KCNQ1: variants seen among roughly 807,000 people sequenced by gnomAD.
The protein encoded by KCNQ1 is potassium voltage-gated channel subfamily KQT member 1.
Under a neutral mutation model 72.4 loss-of-function variants are expected in KCNQ1, and 49 were observed. The observed-to-expected ratio is 0.68, with a 90% CI of 0.54 to 0.86. The LOEUF is 0.86. Ranked by LOEUF, KCNQ1 falls within the 40% of genes least tolerant of loss-of-function variation. The pLI is 0.00. For missense variants in KCNQ1, 790 were observed against 945.1 expected, an observed-to-expected ratio of 0.84 and a Z score of 2.15; for synonymous variants, 450 against 412.6, an observed-to-expected ratio of 1.09 and a Z score of -1.10.
intron 1 of KCNQ1, among the ~76,000 whole-genome samples, chr11:2,527,553 G>A (rs948388137): frequency 2.0e-5 from 3 of 152,152 alleles, no homozygotes; most frequent in South Asian, 2.1e-4. Context: ...AAAACCCCAC[G>A]CCCACAGCAG....
In KCNQ1 at chr11:2,484,788, C is replaced by T. The variant is rs755785914; in HGVS notation, c.386+39304C>T. Among the ~76,000 whole-genome samples, 4 of 152,198 alleles carry T rather than the reference C, an allele frequency of 2.6e-5. No homozygotes were observed. Among genetic ancestry groups the T allele is most frequent in the Non-Finnish European group, 4.4e-5 (3 of 68,036 alleles). ...GGGGAATATGTGTATGGCACCCCCA[C>T]GTCTACGCTTCTGTGTTCATCTGCA... On this transcript the variant is annotated intron_variant, in intron 1 of 15. Coordinates refer to ENST00000155840, the MANE Select transcript of KCNQ1 (RefSeq NM_000218.3). This position sits in a 1 kb window ranked among gnomAD's most constrained non-coding sequence, Gnocchi z 5.2.
At position 2,824,316 on chromosome 11, in the gene KCNQ1, C is replaced by G. The variant is rs568024125; in HGVS notation, c.1795-23451C>G. 6.6e-6 allele frequency among the ~76,000 whole-genome samples: 1 copy of G among 151,960 alleles called. No individual in the cohort carries two copies. The highest frequency in any genetic ancestry group is 2.4e-5 in the African/African-American group (1 of 41,348). On this transcript the variant is annotated intron_variant, in intron 15 of 15. Transcript: ENST00000155840. This position sits in a 1 kb window ranked among gnomAD's most constrained non-coding sequence, Gnocchi z 5.9. ...CCCAGGGGTGGAAAGAAGACAGATA[C>G]GAGAGGGGATTTGGAGACACAATCC... is the stretch of plus-strand genomic sequence containing the variant.
Position 2,617,337 on chromosome 11 carries a change from T to A in KCNQ1, c.1393+28483T>A. On this transcript the variant is annotated intron_variant, in intron 10 of 15. Coordinates refer to ENST00000155840, the MANE Select transcript of KCNQ1 (RefSeq NM_000218.3). The surrounding 1 kb of genome is among the most constrained non-coding windows in gnomAD (Gnocchi z 4.6). ...AGGTGAGATTATTTAAAACTTTTCA[T>A]TTGTATATGGCTTATTTAACTTAGC... is the stretch of plus-strand genomic sequence containing the variant. 1 of 398,466 alleles carries A rather than the reference T, an allele frequency of 2.5e-6. No individual in the cohort carries two copies. The highest frequency in any genetic ancestry group is 4.4e-6 in the Non-Finnish European group (1 of 225,934). The allele number at this position is 398,466 out of a possible 1,614,324, so 24.7% of individuals were successfully genotyped here.
rs1485310840 is a variant in KCNQ1 at position 2,704,983 on chromosome 11, C to T, written c.1514+42902C>T. Among the ~76,000 whole-genome samples the T allele has an allele frequency of 6.6e-6, 1 of 152,118 alleles. No homozygotes were observed. Among genetic ancestry groups the T allele is most frequent in the Non-Finnish European group, 1.5e-5 (1 of 68,014 alleles). On this transcript the variant is annotated intron_variant, in intron 11 of 15. Transcript: ENST00000155840. The surrounding 1 kb of genome is among the most constrained non-coding windows in gnomAD (Gnocchi z 4.3). ...GGGCACTGTCACCCTGTGGCATGGC[C>T]TGTTTGTGGTGTCCATTGCCGTCTT...
rs1303156441 is a variant in KCNQ1 at position 2,768,346 on chromosome 11, G to A, written c.1515-498G>A. Among the ~76,000 whole-genome samples the A allele has an allele frequency of 1.3e-5, 2 of 152,182 alleles. No homozygotes were observed. The highest frequency in any genetic ancestry group is 2.9e-5 in the Non-Finnish European group (2 of 68,036). On this transcript the variant is annotated intron_variant, in intron 11 of 15. Transcript: ENST00000155840. The surrounding 1 kb of genome is among the most constrained non-coding windows in gnomAD (Gnocchi z 6.7). ...GCCCCCTTAACAGAGTGGCTCTGGT[G>A]GCAACTTTCCCTTGTTAATTTGTCC...
At position 2,550,471 on chromosome 11, in the gene KCNQ1, C is replaced by A. The variant is rs961794165; in HGVS notation, c.478-20157C>A. 6.6e-6 allele frequency among the ~76,000 whole-genome samples: 1 copy of A among 152,176 alleles called. No homozygotes were observed. Among genetic ancestry groups the A allele is most frequent in the Non-Finnish European group, 1.5e-5 (1 of 68,026 alleles). On this transcript the variant is annotated intron_variant, in intron 2 of 15. Transcript: ENST00000155840. The surrounding 1 kb of genome is among the most constrained non-coding windows in gnomAD (Gnocchi z 6.0). ...ATGTTCCTCCCTAGGCAGCTCCATG[C>A]GCGGGCCCCGGAGCTGGAAAGCAGC... is the stretch of plus-strand genomic sequence containing the variant.
rs979666127 is a variant in KCNQ1 at position 2,659,529 on chromosome 11, C to A, written c.1394-2432C>A. 1.3e-5 allele frequency: 5 copies of A among 398,354 alleles called. No individual in the cohort carries two copies. The Admixed American group carries it at 1.8e-4, about 14-fold the overall frequency. The allele number at this position is 398,354 out of a possible 1,614,324, so 24.7% of individuals were successfully genotyped here. A position where few individuals can be genotyped will look rare whatever the true frequency, so the allele number is the denominator to read the frequency against. ...CTGTTGAAGGACATCTTCATTGTTTCCAGTATTTGGTAATTATGAGCAGAG... is the reference window on the plus strand; with the variant it reads ...CTGTTGAAGGACATCTTCATTGTTTACAGTATTTGGTAATTATGAGCAGAG... On this transcript the variant is annotated intron_variant, in intron 10 of 15. Coordinates refer to ENST00000155840, the MANE Select transcript of KCNQ1 (RefSeq NM_000218.3). This position sits in a 1 kb window ranked among gnomAD's most constrained non-coding sequence, Gnocchi z 4.3.
chr11:2,501,434 T>C (rs1481167273), intron 1 of KCNQ1, among the ~76,000 whole-genome samples: 2 of 151,710 alleles, frequency 1.3e-5, no homozygotes, highest in East Asian at 3.9e-4. Flanking sequence ...CTGGAAGAAA[T>C]GGATACATTC....
In KCNQ1 at chr11:2,486,232, C is replaced by T. The variant is rs1405107316; in HGVS notation, c.386+40748C>T. Among the ~76,000 whole-genome samples the T allele has an allele frequency of 6.6e-6, 1 of 152,124 alleles. No individual in the cohort carries two copies. Among genetic ancestry groups the T allele is most frequent in the Non-Finnish European group, 1.5e-5 (1 of 68,020 alleles). On this transcript the variant is annotated intron_variant, in intron 1 of 15. Coordinates refer to ENST00000155840, the MANE Select transcript of KCNQ1 (RefSeq NM_000218.3). The surrounding 1 kb of genome is among the most constrained non-coding windows in gnomAD (Gnocchi z 5.0). ...GGTATCTCATTATAGTTTTGATTTA[C>T]ATTTTCTTATGAGTAGTGATGTTGA...
chr11:2,735,474 G>A lies in KCNQ1; in HGVS notation c.1515-33370G>A, dbSNP rs1845941731. On this transcript the variant is annotated intron_variant, in intron 11 of 15. Transcript: ENST00000155840. This position sits in a 1 kb window ranked among gnomAD's most constrained non-coding sequence, Gnocchi z 7.7. The stretch of plus-strand genomic sequence containing the variant: ...GGGATGCCTGAAGCCACACTCCACT[G>A]CATTCAGCCACCGTCCTGAAGTGCC... Among the ~76,000 whole-genome samples, 1 of 151,708 alleles carries A rather than the reference G, an allele frequency of 6.6e-6. No homozygotes were observed. Among genetic ancestry groups the A allele is most frequent in the Non-Finnish European group, 1.5e-5 (1 of 67,940 alleles).
rs532570816 is a variant in KCNQ1, at chr11:2,588,096, G to T, written c.1251+404G>T. Among the ~76,000 whole-genome samples the T allele has an allele frequency of 1.3e-5, 2 of 152,226 alleles. No homozygotes were observed. The highest frequency in any genetic ancestry group is 4.8e-5 in the African/African-American group (2 of 41,518). ...AGCAGGGGAGGGAGGTGAGGCAGGG[G>T]TGCAGCGAAGGGGGTCTGGAGGTCA... On this transcript the variant is annotated intron_variant, in intron 9 of 15. Coordinates refer to ENST00000155840, the MANE Select transcript of KCNQ1 (RefSeq NM_000218.3). This position sits in a 1 kb window ranked among gnomAD's most constrained non-coding sequence, Gnocchi z 5.6.
At chr11:2,555,495 T>C (rs1848056956) in intron 2 of KCNQ1, among the ~76,000 whole-genome samples, 1 of 152,190 alleles carries the variant, frequency 6.6e-6, no homozygotes, top group Non-Finnish European at 1.5e-5. Flanking sequence ...GCCAGGCGGC[T>C]AATGGTGTCT....
chr11:2,566,313 G>GGCA lies in KCNQ1; in HGVS notation c.478-4315_478-4314insGCA, dbSNP rs1354576938. ...TCATGTCTGTGCATGAGAGTGGTCA[G>GGCA]CCCTCCATGGCAGGCCTGGCCTCAC... On this transcript the variant is annotated intron_variant, in intron 2 of 15. Transcript: ENST00000155840. The surrounding 1 kb of genome is among the most constrained non-coding windows in gnomAD (Gnocchi z 6.7). Among the ~76,000 whole-genome samples the GGCA allele has an allele frequency of 6.6e-6, 1 of 152,186 alleles. No homozygotes were observed. Among genetic ancestry groups the GGCA allele is most frequent in the African/African-American group, 2.4e-5 (1 of 41,438 alleles).
chr11:2,721,695 C>T (rs231918), intron 11 of KCNQ1, among the ~76,000 whole-genome samples: 18,339 of 152,274 alleles, frequency 0.12, 1,421 homozygotes, highest in Middle Eastern at 0.19. Context: ...CTGCAGATCA[C>T]GCCAGGCAGG....
intron 1 of KCNQ1, among the ~76,000 whole-genome samples, chr11:2,485,459 C>T (rs1270651923): frequency 1.3e-5 from 2 of 148,902 alleles, no homozygotes; most frequent in Admixed American, 1.4e-4. Context: ...GTGTGTTTTC[C>T]TGTATCCCCT....
rs892635394 is a variant in KCNQ1, at chr11:2,628,078, C to T, written c.1394-33883C>T. On this transcript the variant is annotated intron_variant, in intron 10 of 15. Coordinates refer to ENST00000155840, the MANE Select transcript of KCNQ1 (RefSeq NM_000218.3). The stretch of plus-strand genomic sequence containing the variant: ...TACTATGTTGCTCATTTCTTGACTA[C>T]TGTAACACTACAATGAACATGGGAG... 14 of 398,454 alleles carry T rather than the reference C, an allele frequency of 3.5e-5. No individual in the cohort carries two copies. In the Admixed American group the frequency reaches 4.0e-4, roughly 11 times the overall value. 24.7% of individuals were successfully genotyped at this position (398,454 alleles called of 1,614,324 possible). A position where few individuals can be genotyped will look rare whatever the true frequency, so the allele number is the denominator to read the frequency against.
At chr11:2,524,864 GC>G (rs148183566) in intron 1 of KCNQ1, among the ~76,000 whole-genome samples, 5,487 of 152,262 alleles carry the variant, frequency 0.036, 319 homozygotes, top group African/African-American at 0.12. Context: ...TGCAGATGGT[GC>G]CCTGGCCCTC....
At position 2,762,758 on chromosome 11, in the gene KCNQ1, G is replaced by C. The variant is rs1846425168; in HGVS notation, c.1515-6086G>C. Among the ~76,000 whole-genome samples, 1 of 152,206 alleles carries C rather than the reference G, an allele frequency of 6.6e-6. No homozygotes were observed. The highest frequency in any genetic ancestry group is 1.5e-5 in the Non-Finnish European group (1 of 68,042). ...TGTGTACTCCTTATGAGAATCTAAT[G>C]CCTGCTGGTCTGAACTGGAACAGTT... On this transcript the variant is annotated intron_variant, in intron 11 of 15. Transcript: ENST00000155840. This position sits in a 1 kb window ranked among gnomAD's most constrained non-coding sequence, Gnocchi z 4.3.
At position 2,550,295 on chromosome 11, in the gene KCNQ1, C is replaced by G. The variant is rs1251845924; in HGVS notation, c.478-20333C>G. 6.6e-6 allele frequency among the ~76,000 whole-genome samples: 1 copy of G among 152,150 alleles called. No homozygotes were observed. The highest frequency in any genetic ancestry group is 1.5e-5 in the Non-Finnish European group (1 of 68,024). On this transcript the variant is annotated intron_variant, in intron 2 of 15. Transcript: ENST00000155840. The surrounding 1 kb of genome is among the most constrained non-coding windows in gnomAD (Gnocchi z 6.0). ...TTGCAGTTGCAGAGCCGTGGCGCGGCGCCTGGATTTCCGACACACTGCAGC... is the reference window on the plus strand; with the variant it reads ...TTGCAGTTGCAGAGCCGTGGCGCGGGGCCTGGATTTCCGACACACTGCAGC...
Sources: gnomAD v4.1 joint callset for allele counts (sites outside exome capture counted in the v4.1 genomes callset) on GRCh38, gnomAD v4.1.1 for gene constraint, Gnocchi (gnomAD v3.1) non-coding constraint, MANE v1.5 for transcripts, NCBI Gene and HGNC (gene_info 2026-07-23, HGNC 2026-07-21) for gene names.